Variants in C6 observed in about 807,000 individuals in gnomAD.
C6 encodes the protein complement C6.
C6 carries 101 observed loss-of-function variants against 112.9 expected under a neutral mutation model. The observed-to-expected ratio is 0.89, with a 90% confidence interval of 0.76 to 1.06. The LOEUF is 1.06. Ranked by LOEUF, C6 falls within the 50% of genes least tolerant of loss-of-function variation. The pLI is 0.00. For missense variants in C6, 1,202 were observed against 1,104.6 expected, an observed-to-expected ratio of 1.09 and a Z score of -1.25; for synonymous variants, 431 against 384.1, an observed-to-expected ratio of 1.12 and a Z score of -1.43.
chr5:41,234,350 G>GTTTTGTTTTTTT (rs1740105869), intron 1 of C6, among the ~76,000 whole-genome samples: 1 of 127,804 alleles, frequency 7.8e-6, no homozygotes, highest in African/African-American at 3.4e-5. Context: ...TTTTTTTTTT[G>GTTTTGTTTTTTT]TTTTTTGTTT....
At chr5:41,196,437 C>T (rs914972537) in intron 4 of C6, among the ~76,000 whole-genome samples, 1 of 151,608 alleles carries the variant, frequency 6.6e-6, no homozygotes, top group African/African-American at 2.4e-5. Context: ...ATATGATGTC[C>T]AGGGAGAAGG....
chr5:41,168,947 C>T (rs1476931002), intron 9 of C6, among the ~76,000 whole-genome samples: 2 of 152,144 alleles, frequency 1.3e-5, no homozygotes, highest in African/African-American at 4.8e-5. Context: ...TTAGTAGTCT[C>T]AAGGCCCTCA....
chr5:41,245,309 C>T (rs1740954578), intron 1 of C6, among the ~76,000 whole-genome samples: 1 of 152,154 alleles, frequency 6.6e-6, no homozygotes, highest in Non-Finnish European at 1.5e-5. Flanking sequence ...ATGGGCAGAT[C>T]ACCTGAGGTC....
intron 5 of C6, 85 bp downstream of exon 5, chr5:41,195,707 T>G (rs1008970982): frequency 2.2e-6 from 3 of 1,362,870 alleles, no homozygotes; most frequent in Non-Finnish European, 3.1e-6. Flanking sequence ...ATGAGGAAGA[T>G]GGACAATGAT....
intron 1 of C6, among the ~76,000 whole-genome samples, chr5:41,230,032 A>G (rs1739789153): frequency 2.0e-5 from 3 of 152,186 alleles, no homozygotes; most frequent in South Asian, 2.1e-4. Context: ...TGAAGATTTC[A>G]TGGACATTTA....
chr5:41,174,792 ATACTT>A (rs1305415940), intron 8 of C6, among the ~76,000 whole-genome samples: 2 of 152,220 alleles, frequency 1.3e-5, no homozygotes, highest in Non-Finnish European at 2.9e-5. Flanking sequence ...AATTAAATCT[ATACTT>A]TAGTTTCATG....
intron 1 of C6, among the ~76,000 whole-genome samples, chr5:41,259,516 CCAA>C (rs1411917814): frequency 4.6e-5 from 2 of 43,018 alleles, no homozygotes; most frequent in Admixed American, 7.8e-4. Flanking sequence ...CCTGAAATTA[CCAA>C]AAAAAAAAAA....
upstream of C6, among the ~76,000 whole-genome samples, chr5:41,218,326 T>C (rs1738929062): frequency 6.6e-6 from 1 of 152,158 alleles, no homozygotes; most frequent in African/African-American, 2.4e-5. Context: ...CAAAGGTTTT[T>C]ATTCACGAAT....
At chr5:41,223,464 A>G (rs1194452384) in intron 1 of C6, among the ~76,000 whole-genome samples, 7 of 152,206 alleles carry the variant, frequency 4.6e-5, no homozygotes, top group Non-Finnish European at 7.3e-5. Context: ...TGGCTTGGAC[A>G]TGGTACCTTC....
chr5:41,201,200 A>C (rs1030080729), intron 3 of C6, among the ~76,000 whole-genome samples: 2 of 152,114 alleles, frequency 1.3e-5, no homozygotes, highest in South Asian at 4.1e-4. Context: ...TCCACAAAAC[A>C]TCCAAAATCC....
chr5:41,176,138 T>G (rs887953352), intron 8 of C6, among the ~76,000 whole-genome samples: 13 of 152,210 alleles, frequency 8.5e-5, no homozygotes, highest in Non-Finnish European at 1.5e-5. Context: ...CAGTACAAAG[T>G]TGGTTTCCCT....
chr5:41,209,039 C>T (rs1248071249), intron 1 of C6, among the ~76,000 whole-genome samples: 2 of 152,214 alleles, frequency 1.3e-5, no homozygotes, highest in African/African-American at 4.8e-5. Flanking sequence ...AGGTTGGCTT[C>T]ACCCCTGGGA....
intron 1 of C6, among the ~76,000 whole-genome samples, chr5:41,225,843 C>A (rs890744672): frequency 2.0e-5 from 3 of 152,106 alleles, no homozygotes; most frequent in African/African-American, 4.8e-5. Context: ...CAAAAACAAG[C>A]AATGGGGAAA....
chr5:41,153,687 T>C, intron 15 of C6, 123 bp downstream of exon 15: 1 of 735,732 alleles, frequency 1.4e-6, no homozygotes, highest in South Asian at 1.6e-5. Flanking sequence ...TGACCCACAC[T>C]GTCTAAACTT....
In C6 at chr5:41,166,360, T is replaced by C. The variant is rs957523944; in HGVS notation, c.1292-4501A>G. ...CATTTATTCATTTACACATTCATTC[T>C]TTTCCTCTCTATGCCTCTGTGTCCT... On this transcript the variant is annotated intron_variant, in intron 9 of 17. Transcript: ENST00000337836. 3.3e-5 allele frequency among the ~76,000 whole-genome samples: 5 copies of C among 152,012 alleles called. No individual in the cohort carries two copies. The East Asian group carries it at 5.8e-4, about 18-fold the overall frequency.
At chr5:41,233,519 G>A (rs1330140877) in intron 1 of C6, among the ~76,000 whole-genome samples, 1 of 152,056 alleles carries the variant, frequency 6.6e-6, no homozygotes, top group Non-Finnish European at 1.5e-5. Context: ...AAGACTGTCA[G>A]GAGCAATTGT....
intron 1 of C6, among the ~76,000 whole-genome samples, chr5:41,228,651 T>C (rs1739681557): frequency 6.6e-6 from 1 of 152,182 alleles, no homozygotes; most frequent in Admixed American, 6.5e-5. Context: ...TCATTGACAC[T>C]TTTTTATCAT....
At chr5:41,211,684 A>G (rs1319546737) in intron 1 of C6, among the ~76,000 whole-genome samples, 1 of 152,070 alleles carries the variant, frequency 6.6e-6, no homozygotes, top group Admixed American at 6.6e-5. Context: ...ATTTTCTCAT[A>G]CAGGGACCTT....
At chr5:41,208,575 A>G (rs1205128513) in intron 1 of C6, among the ~76,000 whole-genome samples, 1 of 152,228 alleles carries the variant, frequency 6.6e-6, no homozygotes, top group Admixed American at 6.5e-5. Context: ...AACTACCATC[A>G]GAAAATACTA....
Sources: allele counts gnomAD v4.1 joint callset (sites outside exome capture counted in the v4.1 genomes callset), GRCh38; gene constraint gnomAD v4.1.1; transcripts MANE v1.5; gene names NCBI Gene and HGNC (gene_info 2026-07-23, HGNC 2026-07-21).